MTHFD1: variants seen among roughly 807,000 people sequenced by gnomAD.
The protein encoded by MTHFD1 is C-1-tetrahydrofolate synthase, cytoplasmic.
A neutral mutation model predicts 110.3 loss-of-function variants in MTHFD1; 44 were observed. The observed-to-expected ratio is 0.40, with a 90% CI of 0.31 to 0.51. The LOEUF (loss-of-function observed/expected upper bound fraction) is 0.51. Among genes scored for constraint, MTHFD1 ranks in the 20% least tolerant of loss-of-function variants. MTHFD1 has a pLI of 0.60. For missense variants in MTHFD1, 909 were observed against 1,173.1 expected, an observed-to-expected ratio of 0.77 and a Z score of 3.29; for synonymous variants, 402 against 428.8, an observed-to-expected ratio of 0.94 and a Z score of 0.77.
chr14:64,424,875 T>C lies in MTHFD1; in HGVS notation c.799T>C (p.Phe267Leu). 6.2e-7 allele frequency: 1 copy of C among 1,614,228 alleles called. No homozygotes were observed. The highest frequency in any genetic ancestry group is 2.2e-5 in the East Asian group (1 of 44,886). The change falls in exon 9 of 28, where the codon TTC (phenylalanine) becomes CTC (leucine). Residue 267 changes from phenylalanine (F) to leucine (L), a missense_variant. Phe to Leu is a conservative substitution (Grantham distance 22). Around this residue, in one of 3 missense-constraint regions of MTHFD1, gnomAD observed 424 missense variants for 510.4 expected, o/e 0.83. Coordinates refer to ENST00000652337, the MANE Select transcript of MTHFD1 (RefSeq NM_005956.4). Reference protein sequence around the residue: ...AYDEAKERASFITPVPGGVGP... With the variant: ...AYDEAKERASLITPVPGGVGP... ...CGACGAGGCCAAAGAGAGGGCGAGC[T>C]TCATCACTCCTGTTCCTGGCGGCGT... is the stretch of plus-strand genomic sequence containing the variant.
chr14:64,391,489 T>G (rs1453730890), intron 1 of MTHFD1, among the ~76,000 whole-genome samples: 1 of 152,150 alleles, frequency 6.6e-6, no homozygotes, highest in Non-Finnish European at 1.5e-5. Flanking sequence ...TTCTTTACAG[T>G]CTTCCTCTCA....
At chr14:64,396,558 A>ATTTTTTTTTT (rs71123843) in intron 1 of MTHFD1, among the ~76,000 whole-genome samples, 7 of 126,796 alleles carry the variant, frequency 5.5e-5, no homozygotes, top group East Asian at 2.3e-4. Context: ...CTCCCAGTTA[A>ATTTTTTTTTT]TTTTTTTTTT....
In MTHFD1 at chr14:64,441,296, A is replaced by G. The variant is rs545167198; in HGVS notation, c.1816-89A>G. 1.7e-5 allele frequency: 21 copies of G among 1,233,500 alleles called. No homozygotes were observed. In the South Asian group the frequency reaches 2.0e-4, roughly 12 times the overall value. The allele number at this position is 1,233,500 out of a possible 1,614,324, so 76.4% of individuals were successfully genotyped here. The stretch of plus-strand genomic sequence containing the variant: ...TATCAATTGGTCCAAGATGGCTAAC[A>G]TGGGTAAGCCTAGAATGTCAAATAT... On this transcript the variant is annotated intron_variant, in intron 18 of 27. Transcript: ENST00000652337.
At chr14:64,419,738 T>C (rs1000865197) in intron 7 of MTHFD1, 76 bp from the exon 8 acceptor site, 3 of 952,068 alleles carry the variant, frequency 3.2e-6, no homozygotes, top group Non-Finnish European at 3.4e-6. Context: ...CTCAGGGATA[T>C]CCTTTTCATT....
intron 26 of MTHFD1, among the ~76,000 whole-genome samples, chr14:64,456,307 A>G (rs2140991108): frequency 6.6e-6 from 1 of 152,338 alleles, no homozygotes; most frequent in East Asian, 1.9e-4. Flanking sequence ...TGGTTTAATC[A>G]CTATTCTAAC....
At chr14:64,410,222 C>CT (rs1185085662) in intron 2 of MTHFD1, among the ~76,000 whole-genome samples, 29 of 149,240 alleles carry the variant, frequency 1.9e-4, no homozygotes, top group East Asian at 1.4e-3. Context: ...CTGTCTCTCT[C>CT]TTTTTTTTTT....
chr14:64,425,458 A>G lies in MTHFD1; in HGVS notation c.856-272A>G, dbSNP rs570512891. 2.4e-4 allele frequency among the ~76,000 whole-genome samples: 36 copies of G among 152,102 alleles called. 1 individual carries two copies. The East Asian group carries it at 6.2e-3, about 26-fold the overall frequency. On this transcript the variant is annotated intron_variant, in intron 9 of 27. Coordinates refer to ENST00000652337, the MANE Select transcript of MTHFD1 (RefSeq NM_005956.4). Reference sequence around the variant, plus strand: ...ACTCCCGACCTCAGGTGATCCGCCCACCTTGGCCTTCCAAAGTGCTGGGAT... The same window carrying G: ...ACTCCCGACCTCAGGTGATCCGCCCGCCTTGGCCTTCCAAAGTGCTGGGAT...
intron 23 of MTHFD1, chr14:64,448,966 A>T: frequency 4.4e-6 from 1 of 226,346 alleles, no homozygotes; most frequent in Non-Finnish European, 8.8e-6. Flanking sequence ...TGCCCAGCTA[A>T]TTTTTTGTAT....
intron 12 of MTHFD1, among the ~76,000 whole-genome samples, chr14:64,428,304 C>T (rs189243389): frequency 2.0e-4 from 30 of 150,082 alleles, no homozygotes; most frequent in Non-Finnish European, 2.5e-4. Flanking sequence ...TTGGTAGAGA[C>T]GGGGTTTCAC....
chr14:64,418,150 CAA>C, intron 7 of MTHFD1, 126 bp downstream of exon 7: 1 of 1,249,498 alleles, frequency 8.0e-7, no homozygotes, highest in South Asian at 1.3e-5. Context: ...GATGAAAAAA[CAA>C]ATTCAAATTA....
rs769927214 is a variant in MTHFD1, at chr14:64,427,350, C to A, written c.1141C>A (p.Pro381Thr). The change falls in exon 12 of 28, where the codon CCC becomes ACC. Residue 381 changes from proline (P) to threonine (T), a missense_variant. Transcript: ENST00000652337. ...TTCGTCTTGAAGAATAACTCCAACA[C>A]CCCTGGGAGAAGGGAAAAGCACAAC... ...YVVVTGITPT[P>T]LGEGKSTTTI... 1 of 1,614,226 alleles carries A rather than the reference C, an allele frequency of 6.2e-7. No individual in the cohort carries two copies. Among genetic ancestry groups the A allele is most frequent in the East Asian group, 2.2e-5 (1 of 44,892 alleles).
At chr14:64,451,252 G>T (rs1199555329) in intron 24 of MTHFD1, among the ~76,000 whole-genome samples, 1 of 152,048 alleles carries the variant, frequency 6.6e-6, no homozygotes, top group South Asian at 2.1e-4. Context: ...GAACTCCTGG[G>T]TTCAAGTGAT....
At position 64,397,179 on chromosome 14, in the gene MTHFD1, A is replaced by T. The variant is rs529519747; in HGVS notation, c.42-3614A>T. Reference sequence around the variant, plus strand: ...TATATATATATATATATATATATATATATATATATATAAAAAACAGTAATC... The same window carrying T: ...TATATATATATATATATATATATATTTATATATATATAAAAAACAGTAATC... On this transcript the variant is annotated intron_variant, in intron 1 of 27. Transcript: ENST00000652337. 2.5e-3 allele frequency among the ~76,000 whole-genome samples: 45 copies of T among 17,728 alleles called. 2 individuals carry two copies. Among genetic ancestry groups the T allele is most frequent in the African/African-American group, 0.013 (39 of 3,022 alleles). The allele number at this position is 17,728 out of a possible 152,430, so 11.6% of individuals were successfully genotyped here.
chr14:64,448,451 T>C lies in MTHFD1; in HGVS notation c.2279+134T>C, dbSNP rs988971445. On this transcript the variant is annotated intron_variant, in intron 23 of 27. Coordinates refer to ENST00000652337, the MANE Select transcript of MTHFD1 (RefSeq NM_005956.4). ...TAGCCTGTGGTTTTAGCCTGCACTG[T>C]GACAGGCATTGCATACGTCACTGCG... is the stretch of plus-strand genomic sequence containing the variant. 5.3e-6 allele frequency: 4 copies of C among 755,602 alleles called. No homozygotes were observed. The East Asian group carries it at 1.1e-4, about 20-fold the overall frequency. The allele number at this position is 755,602 out of a possible 1,614,324, so 46.8% of individuals were successfully genotyped here. A position where few individuals can be genotyped will look rare whatever the true frequency, so the allele number is the denominator to read the frequency against.
chr14:64,437,164 TTTTTAC>T (rs1223783290), intron 16 of MTHFD1, among the ~76,000 whole-genome samples: 1 of 152,102 alleles, frequency 6.6e-6, no homozygotes, highest in East Asian at 1.9e-4. Context: ...TGTGTGTGTG[TTTTTAC>T]TTTGAAATTA....
intron 8 of MTHFD1, among the ~76,000 whole-genome samples, chr14:64,421,418 T>A (rs906774438): frequency 6.6e-6 from 1 of 152,122 alleles, no homozygotes; most frequent in South Asian, 2.1e-4. Flanking sequence ...CCAGGAACAT[T>A]AGTCACTGTC....
At chr14:64,454,929 T>C (rs532362641) in intron 26 of MTHFD1, 54 bp downstream of exon 26, 1 of 1,589,572 alleles carries the variant, frequency 6.3e-7, no homozygotes, top group Admixed American at 1.7e-5. Context: ...TCGTCTGAAG[T>C]GTGTTGCCGA....
At position 64,427,587 on chromosome 14, in the gene MTHFD1, G is replaced by C. The variant is rs2078127685; in HGVS notation, c.1264+114G>C. On this transcript the variant is annotated intron_variant, in intron 12 of 27. Transcript: ENST00000652337. ...GGTCTTCAACTCATTTCAACACCAG[G>C]AATGTCATTCTCACAAACCTCTGTA... 2.8e-6 allele frequency: 3 copies of C among 1,062,096 alleles called. No homozygotes were observed. In the East Asian group the frequency reaches 7.1e-5, roughly 25 times the overall value. 65.8% of individuals were successfully genotyped at this position (1,062,096 alleles called of 1,614,324 possible).
chr14:64,401,086 C>G (rs1307911786), intron 2 of MTHFD1, among the ~76,000 whole-genome samples: 1 of 152,104 alleles, frequency 6.6e-6, no homozygotes, highest in Non-Finnish European at 1.5e-5. Flanking sequence ...TACCCTTTCT[C>G]TAGGCCAGTG....
Sources: allele counts gnomAD v4.1 joint callset (sites outside exome capture counted in the v4.1 genomes callset), GRCh38; gene constraint gnomAD v4.1.1; regional missense constraint gnomAD v4.1.1; transcripts MANE v1.5; gene names NCBI Gene and HGNC (gene_info 2026-07-23, HGNC 2026-07-21).